The following HPS3 variants were observed in gnomAD, a reference collection of about 807,000 sequenced individuals.
The protein encoded by HPS3 is HPS3 biogenesis of lysosomal organelles complex 2 subunit 1, also known as BLOC-2 complex member HPS3.
A neutral mutation model predicts 110.9 loss-of-function variants in HPS3; 79 were observed. That is an observed-to-expected ratio of 0.71 (90% confidence interval 0.59 to 0.86). The LOEUF is 0.86. HPS3 is among the 40% of genes least tolerant of loss of function. HPS3 has a pLI of 0.00. For synonymous variants in HPS3, 428 were observed against 451.0 expected (o/e 0.95, Z 0.65); for missense variants, 1,197 against 1,206.2 (o/e 0.99, Z 0.11).
Position 149,157,516 on chromosome 3 carries a change from G to C in HPS3, c.1676G>C (p.Gly559Ala). The C allele has an allele frequency of 6.2e-7, 1 of 1,613,702 alleles. No homozygotes were observed. Among genetic ancestry groups the C allele is most frequent in the Non-Finnish European group, 8.5e-7 (1 of 1,179,726 alleles). Residue 559 changes from glycine to alanine, a missense_variant, in exon 9 of 17, where the codon GGG becomes GCG. Gly to Ala is a moderately conservative substitution (Grantham distance 60). Transcript: ENST00000296051. ...EAFKESCGHL[G>A]DCYSRLDSQH... ...TTTAAGGAAAGCTGTGGGCACCTTG[G>C]GGACTGTTACAGCAGGTGGGTGACA...
At chr3:149,130,039 A>G in intron 1 of HPS3, 99 bp downstream of exon 1, 3 of 1,181,138 alleles carry the variant, frequency 2.5e-6, no homozygotes, top group Non-Finnish European at 3.6e-6. Flanking sequence ...TAGGGATGGG[A>G]CTTCTTGCTT....
intron 13 of HPS3, among the ~76,000 whole-genome samples, chr3:149,163,139 T>C (rs1724057603): frequency 6.6e-6 from 1 of 152,192 alleles, no homozygotes; most frequent in Non-Finnish European, 1.5e-5. Context: ...TGCCAAAGCA[T>C]GGAGAAAGGG....
rs1722405862 is a variant in HPS3, at chr3:149,141,001, A to G, written c.713-16A>G. 6.2e-7 allele frequency: 1 copy of G among 1,611,906 alleles called. No homozygotes were observed. Among genetic ancestry groups the G allele is most frequent in the Non-Finnish European group, 8.5e-7 (1 of 1,178,072 alleles). On this transcript the variant is annotated splice_polypyrimidine_tract_variant and intron_variant, in intron 2 of 16. Transcript: ENST00000296051. ...ATTTTCATTCAAGCAGGACTGTTAC[A>G]TTTTATTTTTTTAAGGCATCAGTAA...
chr3:149,163,539 A>T (rs1724101064), intron 13 of HPS3, among the ~76,000 whole-genome samples: 1 of 152,234 alleles, frequency 6.6e-6, no homozygotes, highest in Admixed American at 6.5e-5. Flanking sequence ...ATTAATAAAA[A>T]TTATTTCCAA....
intron 1 of HPS3, among the ~76,000 whole-genome samples, chr3:149,131,048 A>C (rs1721733597): frequency 6.6e-6 from 1 of 151,146 alleles, no homozygotes; most frequent in Admixed American, 6.6e-5. Flanking sequence ...GGAAGATTGG[A>C]GATCTCTCTC....
intron 11 of HPS3, among the ~76,000 whole-genome samples, chr3:149,160,716 T>C (rs1723746219): frequency 6.6e-6 from 1 of 152,154 alleles, no homozygotes; most frequent in South Asian, 2.1e-4. Context: ...ATTAAGAGGA[T>C]TGGACATTTG....
chr3:149,136,213 TATACAC>T (rs1201393984), intron 1 of HPS3, among the ~76,000 whole-genome samples: 7 of 151,244 alleles, frequency 4.6e-5, no homozygotes, highest in Non-Finnish European at 8.8e-5. Context: ...TACATATATA[TATACAC>T]ACACACACAC....
intron 1 of HPS3, among the ~76,000 whole-genome samples, chr3:149,131,135 A>ACC: frequency 1.1e-5 from 1 of 93,486 alleles, no homozygotes; most frequent in African/African-American, 2.9e-5. Flanking sequence ...AAAAAAAAAA[A>ACC]AAAAACAAAA....
At chr3:149,130,047 C>A in intron 1 of HPS3, 107 bp downstream of exon 1, 1 of 1,129,634 alleles carries the variant, frequency 8.9e-7, no homozygotes, top group African/African-American at 1.5e-5. Context: ...GGACTTCTTG[C>A]TTCCCGGAAT....
At chr3:149,148,282 A>G (rs1343223331) in intron 5 of HPS3, among the ~76,000 whole-genome samples, 1 of 151,870 alleles carries the variant, frequency 6.6e-6, no homozygotes, top group African/African-American at 2.4e-5. Flanking sequence ...AGCAATAGAG[A>G]TTTTTTTAAG....
In HPS3 at chr3:149,158,716, G is replaced by A. The variant is rs1215710049; in HGVS notation, c.1742G>A (p.Gly581Asp). The change falls in exon 10 of 17, where the codon GGT becomes GAT. Residue 581 changes from glycine to aspartate, a missense_variant. Physicochemically the swap from Gly to Asp is moderately conservative, Grantham distance 94. Coordinates refer to ENST00000296051, the MANE Select transcript of HPS3 (RefSeq NM_032383.5). ...HLTLPYYKMSGLSMAEVLART... is the reference protein window; with the variant it reads ...HLTLPYYKMSDLSMAEVLART... The stretch of plus-strand genomic sequence containing the variant: ...ACCTTGCCATACTATAAGATGTCTG[G>A]TTTGTCTATGGCTGAAGTTCTGGCC... 1.1e-5 allele frequency: 17 copies of A among 1,613,766 alleles called. No homozygotes were observed. Among genetic ancestry groups the A allele is most frequent in the Non-Finnish European group, 1.4e-5 (17 of 1,179,776 alleles).
At chr3:149,136,126 G>A (rs894670227) in intron 1 of HPS3, among the ~76,000 whole-genome samples, 3 of 151,884 alleles carry the variant, frequency 2.0e-5, no homozygotes, top group African/African-American at 4.8e-5. Flanking sequence ...AGCTGAGCCT[G>A]GGCTACATAG....
chr3:149,150,777 A>C (rs1204055758), intron 6 of HPS3, 97 bp downstream of exon 6: 7 of 944,984 alleles, frequency 7.4e-6, no homozygotes, highest in Admixed American at 1.7e-5. Flanking sequence ...AGGCAAGAAC[A>C]AAAGAGCTTA....
At chr3:149,130,657 G>A (rs917882150) in intron 1 of HPS3, among the ~76,000 whole-genome samples, 1 of 152,152 alleles carries the variant, frequency 6.6e-6, no homozygotes, top group Non-Finnish European at 1.5e-5. Flanking sequence ...GTGGGCGCCT[G>A]TAGTCTCAGC....
chr3:149,169,648 G>C (rs1302938243), intron 16 of HPS3, among the ~76,000 whole-genome samples: 1 of 152,172 alleles, frequency 6.6e-6, no homozygotes, highest in African/African-American at 2.4e-5. Context: ...AATGTCTCCA[G>C]ATGTTGCCAG....
chr3:149,131,265 C>T (rs1048823906), intron 1 of HPS3, among the ~76,000 whole-genome samples: 2 of 151,984 alleles, frequency 1.3e-5, no homozygotes, highest in Non-Finnish European at 2.9e-5. Context: ...CATATACAGG[C>T]ATACCTTGTT....
Position 149,160,252 on chromosome 3 carries a change from C to T in HPS3, c.2079C>T (p.His693=). The T allele has an allele frequency of 6.2e-7, 1 of 1,613,286 alleles. No homozygotes were observed. Among genetic ancestry groups the T allele is most frequent in the Non-Finnish European group, 8.5e-7 (1 of 1,179,392 alleles). The part of the protein sequence containing the change: ...VALKMGDLDM[H]RNEMKSHSEM... ...TGAAAATGGGAGATCTTGACATGCA[C>T]AGAAATGAAATGAAAAGCCATTCAG... Residue 693 remains histidine, a synonymous_variant, in exon 11 of 17, where the codon CAC becomes CAT. Transcript: ENST00000296051.
At chr3:149,146,671 C>T (rs1722794249) in intron 5 of HPS3, among the ~76,000 whole-genome samples, 1 of 152,206 alleles carries the variant, frequency 6.6e-6, no homozygotes, top group South Asian at 2.1e-4. Context: ...AGTGGTTGCA[C>T]TCCCTTCTCC....
intron 11 of HPS3, among the ~76,000 whole-genome samples, chr3:149,161,378 A>G (rs978227140): frequency 2.0e-5 from 3 of 152,072 alleles, no homozygotes; most frequent in Non-Finnish European, 4.4e-5. Flanking sequence ...TATACTTCAA[A>G]TCATCTCTAT....
Sources: gnomAD v4.1 joint callset for allele counts (sites outside exome capture counted in the v4.1 genomes callset) on GRCh38, gnomAD v4.1.1 for gene constraint, MANE v1.5 for transcripts, NCBI Gene and HGNC (gene_info 2026-07-23, HGNC 2026-07-21) for gene names.